Variants in NSL1 observed in about 807,000 individuals in gnomAD.
NSL1 encodes kinetochore-associated protein NSL1 homolog.
Under a neutral mutation model 25.4 loss-of-function variants are expected in NSL1, and 11 were observed. That is an observed-to-expected ratio of 0.43 (90% CI 0.27 to 0.72). The LOEUF (loss-of-function observed/expected upper bound fraction) is 0.72. Ranked by LOEUF, NSL1 falls within the 30% of genes least tolerant of loss-of-function variation. The pLI is 0.19. For missense variants in NSL1, 330 were observed against 342.7 expected, an observed-to-expected ratio of 0.96 and a Z score of 0.29; for synonymous variants, 118 against 120.6, an observed-to-expected ratio of 0.98 and a Z score of 0.14.
intron 4 of NSL1, among the ~76,000 whole-genome samples, chr1:212,774,058 G>C (rs994250185): frequency 1.3e-5 from 2 of 152,108 alleles, no homozygotes; most frequent in Non-Finnish European, 2.9e-5. Flanking sequence ...TGTGCGGAGC[G>C]GGGAAGGGAG....
chr1:212,771,254 C>T (rs936669400), intron 4 of NSL1, among the ~76,000 whole-genome samples: 17 of 152,170 alleles, frequency 1.1e-4, no homozygotes, highest in East Asian at 1.9e-4. Context: ...GCAGAGGTTG[C>T]GGTGAGCTGA....
chr1:212,745,364 G>A (rs1383813436), intron 4 of NSL1, among the ~76,000 whole-genome samples: 1 of 151,552 alleles, frequency 6.6e-6, no homozygotes, highest in African/African-American at 2.4e-5. Context: ...ACACATCCAA[G>A]AAGCTCAACA....
intron 3 of NSL1, 137 bp downstream of exon 3, chr1:212,784,226 C>G: frequency 3.7e-6 from 2 of 539,338 alleles, no homozygotes; most frequent in East Asian, 6.1e-5. Context: ...TAAAGTCTTA[C>G]AAGAGACAAA....
intron 4 of NSL1, among the ~76,000 whole-genome samples, chr1:212,751,054 C>T (rs968397703): frequency 6.6e-6 from 1 of 151,996 alleles, no homozygotes; most frequent in African/African-American, 2.4e-5. Context: ...TAATAATTAC[C>T]TGACTCAGAT....
rs139520452 is a variant in NSL1, at chr1:212,769,169, G to A, written c.499+13203C>T. Among the ~76,000 whole-genome samples the A allele has an allele frequency of 5.2e-3, 794 of 152,132 alleles. 2 individuals carry two copies. Among genetic ancestry groups the A allele is most frequent in the Non-Finnish European group, 8.2e-3 (561 of 68,004 alleles). The stretch of plus-strand genomic sequence containing the variant: ...ATTTTGGGTGTTGTAGAGGGAGAAG[G>A]GATGGGTAAAGGAAAAGAAAATCTA... On this transcript the variant is annotated intron_variant, in intron 4 of 5. Transcript: ENST00000366977.
chr1:212,756,150 C>T (rs1480561892), intron 4 of NSL1, among the ~76,000 whole-genome samples: 1 of 152,098 alleles, frequency 6.6e-6, no homozygotes, highest in Non-Finnish European at 1.5e-5. Flanking sequence ...GACAGGTTCT[C>T]ACTCTGTCAC....
intron 4 of NSL1, among the ~76,000 whole-genome samples, chr1:212,772,688 A>AAAG (rs1558057323): frequency 5.3e-5 from 8 of 149,752 alleles, no homozygotes; most frequent in South Asian, 4.2e-4. Flanking sequence ...AAAAAAGAAA[A>AAAG]AAAGAAAGAA....
At chr1:212,752,449 TG>T (rs1315958383) in intron 4 of NSL1, among the ~76,000 whole-genome samples, 1 of 152,162 alleles carries the variant, frequency 6.6e-6, no homozygotes, top group Non-Finnish European at 1.5e-5. Flanking sequence ...GCAAAAGAAC[TG>T]GAAGTATCAT....
At chr1:212,745,766 C>A (rs1481247159) in intron 4 of NSL1, among the ~76,000 whole-genome samples, 1 of 152,022 alleles carries the variant, frequency 6.6e-6, no homozygotes, top group Non-Finnish European at 1.5e-5. Context: ...AGTTTGAGAC[C>A]AACCTGGACA....
chr1:212,781,949 C>G, intron 4 of NSL1: 1 of 402,334 alleles, frequency 2.5e-6, no homozygotes, highest in South Asian at 1.9e-5. Context: ...TTCTTAAATT[C>G]AATATATTTT....
At chr1:212,754,482 A>G (rs1055866839) in intron 4 of NSL1, among the ~76,000 whole-genome samples, 1 of 152,116 alleles carries the variant, frequency 6.6e-6, no homozygotes, top group African/African-American at 2.4e-5. Context: ...GCTGAAAAAA[A>G]CTGCCACTAA....
At chr1:212,769,339 GA>G (rs1457964626) in intron 4 of NSL1, among the ~76,000 whole-genome samples, 1 of 152,048 alleles carries the variant, frequency 6.6e-6, no homozygotes, top group African/African-American at 2.4e-5. Context: ...AAAAGGCAAA[GA>G]AAGAGATAAA....
chr1:212,772,018 A>G (rs1660143719), intron 4 of NSL1, among the ~76,000 whole-genome samples: 1 of 152,156 alleles, frequency 6.6e-6, no homozygotes, highest in South Asian at 2.1e-4. Flanking sequence ...AATTCTCATG[A>G]GATCCAATGG....
intron 4 of NSL1, among the ~76,000 whole-genome samples, chr1:212,742,941 G>A (rs1658569760): frequency 6.6e-6 from 1 of 152,032 alleles, no homozygotes; most frequent in Non-Finnish European, 1.5e-5. Flanking sequence ...GTAACATTTG[G>A]TTCTAGTCCT....
At position 212,727,640 on chromosome 1, in the gene NSL1, G is replaced by C. The variant is rs1003777586; in HGVS notation, c.*10768C>G. 2.0e-6 allele frequency: 2 copies of C among 985,170 alleles called. No homozygotes were observed. The highest frequency in any genetic ancestry group is 3.5e-5 in the African/African-American group (2 of 57,206). The allele number at this position is 985,170 out of a possible 1,614,324, so 61.0% of individuals were successfully genotyped here. On this transcript the variant is annotated 3_prime_UTR_variant, in exon 6 of 6. Transcript: ENST00000366977. The stretch of plus-strand genomic sequence containing the variant: ...CTAAAATTCACACGTCACAAATTCA[G>C]AATTTACTATAATTATAATCCTGAA...
rs1006305154 is a variant in NSL1 at position 212,732,309 on chromosome 1, CAT to C, written c.*6097_*6098del. On this transcript the variant is annotated 3_prime_UTR_variant, in exon 6 of 6. Transcript: ENST00000366977. ...TGAAAATATCTCTTTTGGAGTCCTA[CAT>C]AGTCCTTTTTTTTTTTTTGAGATGA... is the stretch of plus-strand genomic sequence containing the variant. The C allele has an allele frequency of 1.1e-6, 1 of 885,754 alleles. No individual in the cohort carries two copies. Among genetic ancestry groups the C allele is most frequent in the Non-Finnish European group, 1.3e-6 (1 of 752,106 alleles). The allele number at this position is 885,754 out of a possible 1,614,324, so 54.9% of individuals were successfully genotyped here. A position where few individuals can be genotyped will look rare whatever the true frequency, so the allele number is the denominator to read the frequency against.
Position 212,738,549 on chromosome 1 carries a change from A to G in NSL1, c.705T>C (p.Phe235=), listed in dbSNP as rs1463250652. The G allele has an allele frequency of 1.9e-6, 3 of 1,614,106 alleles. No homozygotes were observed. The highest frequency in any genetic ancestry group is 8.5e-7 in the Non-Finnish European group (1 of 1,180,006). ...HRKPDAKPEN[F]ITQIETTPTE... ...TTGGTGTGGTTTCTATCTGTGTTAT[A>G]AAGTTCTCAGGTTTAGCATCTGGTT... The change falls in exon 6 of 6, where the codon TTT becomes TTC. Residue 235 remains phenylalanine (F), a synonymous_variant. Coordinates refer to ENST00000366977, the MANE Select transcript of NSL1 (RefSeq NM_015471.4).
rs1177770979 is a variant in NSL1 at position 212,731,950 on chromosome 1, T to C, written c.*6458A>G. The C allele has an allele frequency of 6.1e-6, 6 of 984,894 alleles. No individual in the cohort carries two copies. Among genetic ancestry groups the C allele is most frequent in the Non-Finnish European group, 7.2e-6 (6 of 829,874 alleles). 61.0% of individuals were successfully genotyped at this position (984,894 alleles called of 1,614,324 possible). On this transcript the variant is annotated 3_prime_UTR_variant, in exon 6 of 6. Coordinates refer to ENST00000366977, the MANE Select transcript of NSL1 (RefSeq NM_015471.4). ...CACCCCACCTTACTGCTTTAACCAA[T>C]GTCCATCTAACTGTTCAGTGCCTGT...
At chr1:212,772,172 A>G (rs1023846681) in intron 4 of NSL1, among the ~76,000 whole-genome samples, 1 of 152,312 alleles carries the variant, frequency 6.6e-6, no homozygotes, top group Non-Finnish European at 1.5e-5. Context: ...CTCTTACTTT[A>G]TAAATTACCC....
Sources: gnomAD v4.1 joint callset for allele counts (sites outside exome capture counted in the v4.1 genomes callset) on GRCh38, gnomAD v4.1.1 for gene constraint, MANE v1.5 for transcripts, NCBI Gene and HGNC (gene_info 2026-07-23, HGNC 2026-07-21) for gene names.